Variants in NECTIN2 observed in about 807,000 individuals in gnomAD.
NECTIN2 encodes nectin cell adhesion molecule 2.
In NECTIN2, 23 loss-of-function variants were observed where a neutral mutation model predicts 56.9. That is an observed-to-expected ratio of 0.40 (90% confidence interval 0.29 to 0.57). The LOEUF (loss-of-function observed/expected upper bound fraction) is 0.57, where lower values mean the gene tolerates loss of function less well. Among genes scored for constraint, NECTIN2 ranks in the 20% least tolerant of loss-of-function variants. The pLI, the probability that NECTIN2 is intolerant of heterozygous loss-of-function variation, is 0.38. For synonymous variants in NECTIN2, 302 were observed against 313.8 expected (o/e 0.96, Z 0.40); for missense variants, 587 against 718.3 (o/e 0.82, Z 2.09).
rs1227903326 is a variant in NECTIN2 at position 44,846,497 on chromosome 19, GC to G, written c.-27del. 2.2e-5 allele frequency: 32 copies of G among 1,443,100 alleles called. No individual in the cohort carries two copies. Among genetic ancestry groups the G allele is most frequent in the Non-Finnish European group, 2.8e-5 (31 of 1,107,968 alleles). The allele number at this position is 1,443,100 out of a possible 1,614,324, so 89.4% of individuals were successfully genotyped here. A position where few individuals can be genotyped will look rare whatever the true frequency, so the allele number is the denominator to read the frequency against. Reference sequence around the variant, plus strand: ...CCACAGAGTGGCCCGCGGGCCTCCGGCCGGGCCCAGTCCCCTCCCGGGCCCT... The same window carrying G: ...CCACAGAGTGGCCCGCGGGCCTCCGGCGGGCCCAGTCCCCTCCCGGGCCCT... On this transcript the variant is annotated 5_prime_UTR_variant, in exon 1 of 9. Coordinates refer to ENST00000252483, the MANE Select transcript of NECTIN2 (RefSeq NM_001042724.2).
intron 2 of NECTIN2, among the ~76,000 whole-genome samples, chr19:44,868,535 G>A (rs1464539893): frequency 1.3e-5 from 2 of 149,854 alleles, no homozygotes; most frequent in Non-Finnish European, 1.5e-5. Flanking sequence ...CGAACTCCTG[G>A]GCTCAGGGGA....
At chr19:44,871,582 G>A (rs559458478) in intron 2 of NECTIN2, among the ~76,000 whole-genome samples, 1 of 152,208 alleles carries the variant, frequency 6.6e-6, no homozygotes, top group South Asian at 2.1e-4. Context: ...GGCAGTGCAG[G>A]CCAGACATTA....
In NECTIN2 at chr19:44,865,488, G is replaced by A; in HGVS notation, c.306G>A (p.Arg102=). 2 of 1,608,758 alleles carry A rather than the reference G, an allele frequency of 1.2e-6. No individual in the cohort carries two copies. Among genetic ancestry groups the A allele is most frequent in the Non-Finnish European group, 1.7e-6 (2 of 1,177,922 alleles). ...SFPSPKPGSE[R]LSFVSAKQST... ...CCAGCCCGAAGCCTGGCAGCGAGCG[G>A]CTGTCCTTCGTCTCTGCCAAGCAGA... The change falls in exon 2 of 9, where the codon CGG becomes CGA. Residue 102 remains arginine, a synonymous_variant. Transcript: ENST00000252483. The surrounding 1 kb of genome is among the most constrained non-coding windows in gnomAD (Gnocchi z 5.2).
chr19:44,888,077 G>A (rs889245116), intron 8 of NECTIN2, 33 bp from the exon 9 acceptor site: 1 of 1,598,004 alleles, frequency 6.3e-7, no homozygotes, highest in Non-Finnish European at 8.6e-7. Context: ...CGTAGGAAGT[G>A]ATCTTGAGTT....
chr19:44,857,615 T>A (rs1333601036), intron 1 of NECTIN2, among the ~76,000 whole-genome samples: 1 of 152,104 alleles, frequency 6.6e-6, no homozygotes, highest in Non-Finnish European at 1.5e-5. Context: ...CTGGCCAGGC[T>A]GGTCTCGAAC....
rs575558344 is a variant in NECTIN2 at position 44,874,679 on chromosome 19, T to G, written c.1042+201T>G. On this transcript the variant is annotated intron_variant, in intron 5 of 8. Coordinates refer to ENST00000252483, the MANE Select transcript of NECTIN2 (RefSeq NM_001042724.2). The surrounding 1 kb of genome is among the most constrained non-coding windows in gnomAD (Gnocchi z 6.3). ...TCTGGATTTGGGGTGTCGGGGTAGG[T>G]GAAGGCAGCAGAGTTGGGGGGTTGA... 1.0e-3 allele frequency: 638 copies of G among 624,068 alleles called. 2 individuals are homozygous for G. Among genetic ancestry groups the G allele is most frequent in the Middle Eastern group, 2.7e-3 (6 of 2,236 alleles). 38.7% of individuals were successfully genotyped at this position (624,068 alleles called of 1,614,324 possible). A position where few individuals can be genotyped will look rare whatever the true frequency, so the allele number is the denominator to read the frequency against.
chr19:44,846,561 G>A lies in NECTIN2; in HGVS notation c.36G>A (p.Ser12=). The change falls in exon 1 of 9, where the codon TCG becomes TCA. Residue 12 remains serine, a synonymous_variant. Coordinates refer to ENST00000252483, the MANE Select transcript of NECTIN2 (RefSeq NM_001042724.2). ...CCGCTGCCCTCCTGCCGTCGAGATCGCCGCCGACGCCGCTGCTGTGGCCGC... is the reference window on the plus strand; with the variant it reads ...CCGCTGCCCTCCTGCCGTCGAGATCACCGCCGACGCCGCTGCTGTGGCCGC... ...ARAAALLPSR[S]PPTPLLWPLL... 1 of 1,522,896 alleles carries A rather than the reference G, an allele frequency of 6.6e-7. No homozygotes were observed. Among genetic ancestry groups the A allele is most frequent in the African/African-American group, 1.4e-5 (1 of 71,052 alleles). The allele number at this position is 1,522,896 out of a possible 1,614,324, so 94.3% of individuals were successfully genotyped here. A position where few individuals can be genotyped will look rare whatever the true frequency, so the allele number is the denominator to read the frequency against.
Position 44,885,965 on chromosome 19 carries a change from C to A in NECTIN2, c.1225C>A (p.Pro409Thr), listed in dbSNP as rs1267571210. ...DLEGPPSYKP[P>T]TPKAKLEAQE... is the part of the protein sequence containing the mutation. Reference sequence around the variant, plus strand: ...GGAGGGACCTCCCTCCTACAAGCCACCGACCCCAAAAGCGAAGCTGGAGGC... The same window carrying A: ...GGAGGGACCTCCCTCCTACAAGCCAACGACCCCAAAAGCGAAGCTGGAGGC... The change falls in exon 7 of 9, where the codon CCG becomes ACG. Residue 409 changes from proline to threonine, a missense_variant. Coordinates refer to ENST00000252483, the MANE Select transcript of NECTIN2 (RefSeq NM_001042724.2). 2 of 1,602,554 alleles carry A rather than the reference C, an allele frequency of 1.2e-6. No homozygotes were observed. Among genetic ancestry groups the A allele is most frequent in the Non-Finnish European group, 1.7e-6 (2 of 1,169,548 alleles).
chr19:44,872,270 T>A, intron 3 of NECTIN2, 121 bp downstream of exon 3: 1 of 1,017,960 alleles, frequency 9.8e-7, no homozygotes, highest in Non-Finnish European at 1.4e-6. Context: ...AATTCTGCAC[T>A]ACCTTCCTGC....
chr19:44,874,501 G>A lies in NECTIN2; in HGVS notation c.1042+23G>A. The A allele has an allele frequency of 1.2e-6, 2 of 1,610,954 alleles. No individual in the cohort carries two copies. Among genetic ancestry groups the A allele is most frequent in the South Asian group, 2.2e-5 (2 of 91,070 alleles). On this transcript the variant is annotated intron_variant, in intron 5 of 8. Transcript: ENST00000252483. This position sits in a 1 kb window ranked among gnomAD's most constrained non-coding sequence, Gnocchi z 6.3. ...GAGGTGAGTGGGTCTTGGGGGCCGT[G>A]TGTGGAGACCTGGGTCCGCTCCCCT...
At chr19:44,882,431 T>A in intron 6 of NECTIN2, 67 bp downstream of exon 6, 1 of 1,273,278 alleles carries the variant, frequency 7.9e-7, no homozygotes, top group Non-Finnish European at 1.0e-6. Context: ...GGGGTAGGGG[T>A]GAGGGTGGGA....
intron 2 of NECTIN2, among the ~76,000 whole-genome samples, chr19:44,869,917 C>T (rs1278780324): frequency 6.6e-6 from 1 of 151,960 alleles, no homozygotes; most frequent in Non-Finnish European, 1.5e-5. Flanking sequence ...CACTGCACTG[C>T]ATCCTGGGTG....
In NECTIN2 at chr19:44,888,274, G is replaced by C; in HGVS notation, c.1512G>C (p.Glu504Asp). The change falls in exon 9 of 9, where the codon GAG becomes GAC. Residue 504 changes from glutamate to aspartate, a missense_variant. Glu to Asp is a conservative substitution (Grantham distance 45, BLOSUM62 2). Coordinates refer to ENST00000252483, the MANE Select transcript of NECTIN2 (RefSeq NM_001042724.2). Reference sequence around the variant, plus strand: ...ATGAGGAGGGGGAGGAGGAGGAAGAGTATCTGGACAAGATCAACCCCATCT... The same window carrying C: ...ATGAGGAGGGGGAGGAGGAGGAAGACTATCTGGACAAGATCAACCCCATCT... ...LEDEEGEEEE[E>D]YLDKINPIYD... is the part of the protein sequence containing the mutation. The C allele has an allele frequency of 6.2e-7, 1 of 1,614,100 alleles. No individual in the cohort carries two copies. The highest frequency in any genetic ancestry group is 8.5e-7 in the Non-Finnish European group (1 of 1,179,996).
intron 1 of NECTIN2, among the ~76,000 whole-genome samples, chr19:44,856,632 G>T (rs1482330409): frequency 6.6e-6 from 1 of 152,150 alleles, no homozygotes; most frequent in Non-Finnish European, 1.5e-5. Context: ...AGGGGCCAGA[G>T]CGCTTAACCA....
Position 44,886,010 on chromosome 19 carries a change from T to A in NECTIN2, c.1260+10T>A. 6.3e-7 allele frequency: 1 copy of A among 1,597,986 alleles called. No homozygotes were observed. Among genetic ancestry groups the A allele is most frequent in the Non-Finnish European group, 8.6e-7 (1 of 1,165,506 alleles). ...GGAGGCACAGGAGATGGTGAGCACT[T>A]TCCCTGGAGCCCAAGCTATCCCCAC... On this transcript the variant is annotated intron_variant, in intron 7 of 8. Transcript: ENST00000252483.
At position 44,888,354 on chromosome 19, in the gene NECTIN2, T is replaced by C. The variant is rs1407994800; in HGVS notation, c.1592T>C (p.Val531Ala). 1 of 1,613,368 alleles carries C rather than the reference T, an allele frequency of 6.2e-7. No homozygotes were observed. Among genetic ancestry groups the C allele is most frequent in the South Asian group, 1.1e-5 (1 of 91,066 alleles). ...PSDSYQGKGF[V>A]MSRAMYV The stretch of plus-strand genomic sequence containing the variant: ...GATTCCTACCAGGGCAAAGGCTTTG[T>C]CATGTCCCGGGCCATGTATGTGTGA... Residue 531 changes from valine to alanine, a missense_variant, in exon 9 of 9, where the codon GTC becomes GCC. Transcript: ENST00000252483.
intron 1 of NECTIN2, among the ~76,000 whole-genome samples, chr19:44,847,674 A>G (rs1040503662): frequency 6.6e-6 from 1 of 152,112 alleles, no homozygotes; most frequent in African/African-American, 2.4e-5. Flanking sequence ...GGCGACGGAG[A>G]CGTCGCCGGG....
chr19:44,854,004 G>A (rs951795393), intron 1 of NECTIN2, among the ~76,000 whole-genome samples: 1 of 152,118 alleles, frequency 6.6e-6, no homozygotes, highest in African/African-American at 2.4e-5. Context: ...GGGCAAAAGG[G>A]CGGAAGAGCA....
At chr19:44,853,041 G>A (rs1968919319) in intron 1 of NECTIN2, among the ~76,000 whole-genome samples, 1 of 151,914 alleles carries the variant, frequency 6.6e-6, no homozygotes, top group Admixed American at 6.6e-5. Context: ...GAACCCAAGA[G>A]GTTGAGGCTG....
Sources: allele counts gnomAD v4.1 joint callset (sites outside exome capture counted in the v4.1 genomes callset), GRCh38; gene constraint gnomAD v4.1.1; non-coding constraint Gnocchi (gnomAD v3.1); transcripts MANE v1.5; gene names NCBI Gene and HGNC (gene_info 2026-07-23, HGNC 2026-07-21).